The following TRAT1 variants were observed in gnomAD, a reference collection of about 807,000 sequenced individuals.
The protein encoded by TRAT1 is T cell receptor associated transmembrane adaptor 1.
In TRAT1, 20 loss-of-function variants were observed where a neutral mutation model predicts 20.0. That is an observed-to-expected ratio of 1.00 (90% CI 0.70 to 1.45). The LOEUF is 1.45. Ranked by LOEUF, TRAT1 falls within the 40% of genes most tolerant of loss-of-function variation. TRAT1 has a pLI of 0.00. For missense variants in TRAT1, 237 were observed against 224.1 expected (o/e 1.06, Z -0.37); for synonymous variants, 77 against 74.2 (o/e 1.04, Z -0.20).
intron 2 of TRAT1, among the ~76,000 whole-genome samples, chr3:108,836,456 T>C (rs181230197): frequency 2.1e-4 from 32 of 152,336 alleles, no homozygotes; most frequent in South Asian, 1.9e-3. Flanking sequence ...AGCTGGTGAC[T>C]ATCCTTTTGT....
intron 2 of TRAT1, among the ~76,000 whole-genome samples, chr3:108,836,715 C>T (rs560544139): frequency 1.9e-4 from 29 of 152,304 alleles, no homozygotes; most frequent in African/African-American, 7.0e-4. Flanking sequence ...TCATTTACCT[C>T]TGACATGTAC....
In TRAT1 at chr3:108,825,133, T is replaced by C. The variant is rs1576516504; in HGVS notation, c.7+2199T>C. ...GAGAATCAGATGATAGTATTTTTTATATTTAGATAGGTAAAATAAAAAATA... is the reference window on the plus strand; with the variant it reads ...GAGAATCAGATGATAGTATTTTTTACATTTAGATAGGTAAAATAAAAAATA... On this transcript the variant is annotated intron_variant, in intron 1 of 5. Transcript: ENST00000295756. 3.3e-5 allele frequency among the ~76,000 whole-genome samples: 5 copies of C among 152,242 alleles called. 1 individual carries two copies. The highest frequency in any genetic ancestry group is 3.3e-4 in the Admixed American group (5 of 15,292).
At chr3:108,849,119 T>C (rs746715930) in intron 4 of TRAT1, 47 bp from the exon 5 acceptor site, 7 of 1,500,662 alleles carry the variant, frequency 4.7e-6, no homozygotes, top group Admixed American at 1.7e-5. Flanking sequence ...ATCATACTAG[T>C]ATTTTTAAAT....
At position 108,830,696 on chromosome 3, in the gene TRAT1, TGG is replaced by T. The variant is rs1945784387; in HGVS notation, c.37_38del (p.Gly13ThrfsTer28). On this transcript the variant is annotated frameshift_variant, in exon 2 of 6. Coordinates refer to ENST00000295756, the MANE Select transcript of TRAT1 (RefSeq NM_016388.4). LOFTEE classifies it high-confidence loss of function. ...AATCTCTGGGTGCCCCTTTTTCCTC[TGG>T]GGACTTCTAGCATTGTTGGGCTTGG... is the stretch of plus-strand genomic sequence containing the variant. Reference protein sequence around the residue: ...SGISGCPFFLWGLLALLGLAL... With the variant: ...SGISGCPFFLXGLLALLGLAL... 1 of 1,613,448 alleles carries T rather than the reference TGG, an allele frequency of 6.2e-7. No individual in the cohort carries two copies. Among genetic ancestry groups the T allele is most frequent in the Admixed American group, 1.7e-5 (1 of 59,986 alleles).
At chr3:108,853,233 T>C (rs1356431047) in intron 5 of TRAT1, among the ~76,000 whole-genome samples, 2 of 152,186 alleles carry the variant, frequency 1.3e-5, no homozygotes, top group African/African-American at 4.8e-5. Flanking sequence ...TTTGGTAAAC[T>C]CCTTCCTATC....
intron 2 of TRAT1, 44 bp from the exon 3 acceptor site, chr3:108,838,890 A>G (rs758581700): frequency 1.5e-5 from 21 of 1,424,056 alleles, no homozygotes. Flanking sequence ...TAACAAAGGT[A>G]TGTCAACATT....
In TRAT1 at chr3:108,853,767, A is replaced by T; in HGVS notation, c.451A>T (p.Thr151Ser). Reference sequence around the variant, plus strand: ...AATAGATGCCAGCGTTTCTAAGACCACCTTAGTAGACAGTTTCTCCCCAGA... The same window carrying T: ...AATAGATGCCAGCGTTTCTAAGACCTCCTTAGTAGACAGTTTCTCCCCAGA... ...HAIDASVSKT[T>S]LVDSFSPESQ... The change falls in exon 6 of 6, where the codon ACC (threonine) becomes TCC (serine). Residue 151 changes from threonine (T) to serine (S), a missense_variant. Physicochemically the swap from Thr to Ser is moderately conservative, Grantham distance 58 (BLOSUM62 1). Coordinates refer to ENST00000295756, the MANE Select transcript of TRAT1 (RefSeq NM_016388.4). The T allele has an allele frequency of 1.2e-6, 2 of 1,614,134 alleles. No homozygotes were observed. The highest frequency in any genetic ancestry group is 1.3e-5 in the African/African-American group (1 of 75,046).
chr3:108,844,319 A>ATT (rs1163841021), intron 3 of TRAT1, among the ~76,000 whole-genome samples: 103 of 143,034 alleles, frequency 7.2e-4, no homozygotes, highest in African/African-American at 2.2e-3. Flanking sequence ...AGAAGTAGTG[A>ATT]TTTTTTTTTT....
intron 2 of TRAT1, among the ~76,000 whole-genome samples, chr3:108,833,850 G>T (rs751322989): frequency 5.3e-5 from 8 of 150,846 alleles, no homozygotes; most frequent in Non-Finnish European, 8.9e-5. Context: ...ATAGTGCTGG[G>T]GACTTAGTAG....
At chr3:108,845,310 G>A (rs1392083615) in intron 3 of TRAT1, among the ~76,000 whole-genome samples, 1 of 152,188 alleles carries the variant, frequency 6.6e-6, no homozygotes, top group Non-Finnish European at 1.5e-5. Context: ...TTCATTCATA[G>A]GGAATAAAAC....
intron 2 of TRAT1, among the ~76,000 whole-genome samples, chr3:108,837,394 T>C (rs1361005757): frequency 6.6e-6 from 1 of 152,238 alleles, no homozygotes; most frequent in Non-Finnish European, 1.5e-5. Context: ...ACATGTGACA[T>C]GTCCGTTTCA....
rs1945751785 is a variant in TRAT1, at chr3:108,827,413, T to A, written c.8-3257T>A. The stretch of plus-strand genomic sequence containing the variant: ...GTGTGTGTGTGTGTGTGTGTGTGTG[T>A]GTGTGTGTACGTTTATACAGACCTG... On this transcript the variant is annotated intron_variant, in intron 1 of 5. Coordinates refer to ENST00000295756, the MANE Select transcript of TRAT1 (RefSeq NM_016388.4). Among the ~76,000 whole-genome samples the A allele has an allele frequency of 4.8e-5, 7 of 146,446 alleles. No individual in the cohort carries two copies. The South Asian group carries it at 1.5e-3, about 32-fold the overall frequency.
chr3:108,835,541 A>C (rs1425347175), intron 2 of TRAT1, among the ~76,000 whole-genome samples: 1 of 152,174 alleles, frequency 6.6e-6, no homozygotes, highest in Non-Finnish European at 1.5e-5. Context: ...CGGCTCATTT[A>C]AAGAGATTAT....
At position 108,822,850 on chromosome 3, in the gene TRAT1, GA is replaced by G. The variant is rs1168721593; in HGVS notation, c.-72del. 1.5e-5 allele frequency: 20 copies of G among 1,343,850 alleles called. No individual in the cohort carries two copies. The highest frequency in any genetic ancestry group is 2.1e-5 in the Non-Finnish European group (20 of 942,888). 83.2% of individuals were successfully genotyped at this position (1,343,850 alleles called of 1,614,324 possible). A position where few individuals can be genotyped will look rare whatever the true frequency, so the allele number is the denominator to read the frequency against. ...AACATAACAGAGCAACATCACCTAG[GA>G]AAAAAGTTTGTAGGAGGATTTTTAA... On this transcript the variant is annotated 5_prime_UTR_variant, in exon 1 of 6. Transcript: ENST00000295756.
At chr3:108,840,846 C>T (rs1373704639) in intron 3 of TRAT1, among the ~76,000 whole-genome samples, 1 of 152,228 alleles carries the variant, frequency 6.6e-6, no homozygotes, top group African/African-American at 2.4e-5. Context: ...AAGATTCATT[C>T]AGAGATAGTT....
intron 3 of TRAT1, among the ~76,000 whole-genome samples, chr3:108,844,890 T>C (rs1247014534): frequency 6.9e-6 from 1 of 145,294 alleles, no homozygotes; most frequent in Non-Finnish European, 1.5e-5. Flanking sequence ...TATATATATA[T>C]GAAAGCACAA....
At position 108,854,258 on chromosome 3, in the gene TRAT1, T is replaced by C. The variant is rs1946025587; in HGVS notation, c.*381T>C. 1 of 160,744 alleles carries C rather than the reference T, an allele frequency of 6.2e-6. No individual in the cohort carries two copies. Among genetic ancestry groups the C allele is most frequent in the African/African-American group, 2.4e-5 (1 of 41,676 alleles). 10.0% of individuals were successfully genotyped at this position (160,744 alleles called of 1,614,324 possible). A position where few individuals can be genotyped will look rare whatever the true frequency, so the allele number is the denominator to read the frequency against. The stretch of plus-strand genomic sequence containing the variant: ...AGCATGAATGTGTTCTGGAACACGT[T>C]AGAAGAAAAATAAAAGCCAATGAGT... On this transcript the variant is annotated 3_prime_UTR_variant, in exon 6 of 6. Transcript: ENST00000295756.
chr3:108,847,299 T>G (rs1172895187), intron 4 of TRAT1, 170 bp downstream of exon 4: 1 of 503,668 alleles, frequency 2.0e-6, no homozygotes, highest in Non-Finnish European at 3.5e-6. Flanking sequence ...AGCTGCATAT[T>G]GTAAGTTGTA....
At chr3:108,838,349 A>G (rs1447028486) in intron 2 of TRAT1, among the ~76,000 whole-genome samples, 1 of 43,358 alleles carries the variant, frequency 2.3e-5, no homozygotes, top group Non-Finnish European at 4.3e-5. Flanking sequence ...TGATAGATAT[A>G]GATAGATGAT....
Sources: gnomAD v4.1 joint callset for allele counts (sites outside exome capture counted in the v4.1 genomes callset) on GRCh38, gnomAD v4.1.1 for gene constraint, MANE v1.5 for transcripts, NCBI Gene and HGNC (gene_info 2026-07-23, HGNC 2026-07-21) for gene names.